Variants in LARGE1 observed in about 807,000 individuals in gnomAD.
LARGE1 encodes xylosyl- and glucuronyltransferase LARGE1.
Under a neutral mutation model 87.6 loss-of-function variants are expected in LARGE1, and 43 were observed. That is an observed-to-expected ratio of 0.49 (90% CI 0.38 to 0.63). The LOEUF (loss-of-function observed/expected upper bound fraction) is 0.63, where lower values mean the gene tolerates loss of function less well. LARGE1 is among the 30% of genes least tolerant of loss of function. The probability of loss-of-function intolerance (pLI) is 0.00; values close to 1 mark genes in which losing one functional copy is unlikely to be tolerated. For missense variants in LARGE1, 802 were observed against 1,000.2 expected (o/e 0.80, Z 2.67); for synonymous variants, 434 against 394.6 (o/e 1.10, Z -1.18).
At chr22:33,911,890 C>T (rs2065648846) in intron 1 of LARGE1, among the ~76,000 whole-genome samples, 1 of 152,228 alleles carries the variant, frequency 6.6e-6, no homozygotes, top group African/African-American at 2.4e-5. Context: ...AAGTCTATCT[C>T]ATCACCATTT....
At position 33,470,245 on chromosome 22, in the gene LARGE1, T is replaced by C. The variant is rs538655290; in HGVS notation, c.788-37980A>G. On this transcript the variant is annotated intron_variant, in intron 6 of 14. Coordinates refer to ENST00000397394, the MANE Select transcript of LARGE1 (RefSeq NM_133642.5). ...ATCTGTACACCAAACCCTCATGACA[T>C]GTAATTTACTTATATCACAAACCTA... Among the ~76,000 whole-genome samples the C allele has an allele frequency of 6.6e-5, 10 of 152,156 alleles. No individual in the cohort carries two copies. In the South Asian group the frequency reaches 1.9e-3, roughly 28 times the overall value.
At chr22:33,239,002 AAAT>A (rs1293195958) in intron 11 of LARGE1, among the ~76,000 whole-genome samples, 1 of 152,174 alleles carries the variant, frequency 6.6e-6, no homozygotes, top group Non-Finnish European at 1.5e-5. Flanking sequence ...AATAGAAAAA[AAAT>A]AAGATCAAAT....
chr22:33,239,567 C>T (rs1374139419), intron 11 of LARGE1, among the ~76,000 whole-genome samples: 2 of 107,820 alleles, frequency 1.9e-5, no homozygotes, highest in Non-Finnish European at 3.4e-5. Context: ...GAGACAGAGT[C>T]TCACTCTGTC....
intron 6 of LARGE1, among the ~76,000 whole-genome samples, chr22:33,549,292 G>A (rs1466026455): frequency 3.9e-5 from 6 of 152,174 alleles, no homozygotes; most frequent in Non-Finnish European, 8.8e-5. Flanking sequence ...AATAATCTAT[G>A]TATATGCATT....
the LARGE1 span, among the ~76,000 whole-genome samples, chr22:33,140,909 C>T: frequency 6.6e-6 from 1 of 152,080 alleles, no homozygotes; most frequent in East Asian, 1.9e-4. Flanking sequence ...AGTCCTGTCC[C>T]TCTAGAGATA....
intron 6 of LARGE1, among the ~76,000 whole-genome samples, chr22:33,463,825 A>G (rs2068478092): frequency 1.3e-5 from 2 of 152,088 alleles, no homozygotes; most frequent in African/African-American, 4.8e-5. Flanking sequence ...GGTGCCTGCT[A>G]CCACGCTCAG....
intron 5 of LARGE1, among the ~76,000 whole-genome samples, chr22:33,603,467 A>T (rs1349901614): frequency 6.6e-6 from 1 of 152,210 alleles, no homozygotes; most frequent in Non-Finnish European, 1.5e-5. Context: ...CTACCCCATT[A>T]AGAAAGGTTC....
exon 12 of LARGE1, chr22:33,163,576 T>A (rs1033321672): frequency 1.3e-5 from 2 of 152,234 alleles, no homozygotes; most frequent in Non-Finnish European, 2.9e-5. Context: ...GCTTAGTAAC[T>A]ACCCCTTTAC....
intron 1 of LARGE1, among the ~76,000 whole-genome samples, chr22:33,860,337 G>A (rs528991171): frequency 6.6e-6 from 1 of 152,074 alleles, no homozygotes; most frequent in Non-Finnish European, 1.5e-5. Context: ...TAACCCCAGG[G>A]CTTGAAATAA....
chr22:33,525,823 C>G (rs2071862365), intron 6 of LARGE1, among the ~76,000 whole-genome samples: 2 of 152,210 alleles, frequency 1.3e-5, no homozygotes. Context: ...TGAACAGCTA[C>G]TTGTAAAATA....
At chr22:33,483,011 A>G (rs1169141568) in intron 6 of LARGE1, among the ~76,000 whole-genome samples, 2 of 152,232 alleles carry the variant, frequency 1.3e-5, no homozygotes, top group Non-Finnish European at 2.9e-5. Flanking sequence ...AAGCAAACCA[A>G]CCAATGTAGC....
intron 7 of LARGE1, among the ~76,000 whole-genome samples, chr22:33,407,966 G>C (rs1470625932): frequency 6.6e-6 from 1 of 151,572 alleles, no homozygotes; most frequent in Non-Finnish European, 1.5e-5. Flanking sequence ...CATTCAGGGT[G>C]GTAAGGAAGA....
At chr22:33,173,905 C>A (rs543040080) in intron 11 of LARGE1, among the ~76,000 whole-genome samples, 2 of 152,130 alleles carry the variant, frequency 1.3e-5, no homozygotes, top group East Asian at 1.9e-4. Context: ...GATTTTAACA[C>A]CCCACTGTCA....
intron 5 of LARGE1, among the ~76,000 whole-genome samples, chr22:33,591,613 T>C (rs2078840150): frequency 6.6e-6 from 1 of 152,144 alleles, no homozygotes; most frequent in African/African-American, 2.4e-5. Flanking sequence ...ATCCTTATAG[T>C]TTCTTATTAA....
intron 10 of LARGE1, among the ~76,000 whole-genome samples, chr22:33,327,370 G>A (rs766969700): frequency 2.0e-5 from 3 of 152,170 alleles, no homozygotes; most frequent in Non-Finnish European, 4.4e-5. Context: ...CCCAGCAGTT[G>A]AGAGAGCGGG....
At chr22:33,130,313 C>CAAAAA in the LARGE1 span, among the ~76,000 whole-genome samples, 107 of 56,992 alleles carry the variant, frequency 1.9e-3, 4 homozygotes, top group African/African-American at 2.8e-3. Flanking sequence ...GATTCCGTCT[C>CAAAAA]AAAAAAAAAA....
At chr22:33,129,884 G>A in the LARGE1 span, among the ~76,000 whole-genome samples, 2 of 152,218 alleles carry the variant, frequency 1.3e-5, no homozygotes, top group Non-Finnish European at 2.9e-5. Context: ...CCTTTGACAC[G>A]TGGGGATTAA....
chr22:33,757,456 T>A (rs1032272092), intron 2 of LARGE1, among the ~76,000 whole-genome samples: 1 of 152,126 alleles, frequency 6.6e-6, no homozygotes, highest in Non-Finnish European at 1.5e-5. Flanking sequence ...AACGAAGGCC[T>A]ACCATGAAGA....
chr22:33,316,293 G>A (rs778666832), intron 10 of LARGE1, 45 bp from the exon 11 acceptor site: 10 of 1,600,734 alleles, frequency 6.2e-6, no homozygotes, highest in African/African-American at 2.7e-5. Flanking sequence ...GAAGAGGTCC[G>A]AGGGGGCCCA....
Sources: allele counts gnomAD v4.1 joint callset (sites outside exome capture counted in the v4.1 genomes callset), GRCh38; gene constraint gnomAD v4.1.1; transcripts MANE v1.5; gene names NCBI Gene and HGNC (gene_info 2026-07-23, HGNC 2026-07-21).